PKNOX2: variants seen among roughly 807,000 people sequenced by gnomAD.
PKNOX2 encodes homeobox protein PKNOX2.
A neutral mutation model predicts 53.1 loss-of-function variants in PKNOX2; 14 were observed. The ratio of observed to expected loss-of-function variants is 0.26; its 90% CI spans 0.17 to 0.41. The LOEUF is 0.41. Among genes scored for constraint, PKNOX2 ranks in the 10% least tolerant of loss-of-function variants. The pLI is 1.00. For missense variants in PKNOX2, 496 were observed against 602.8 expected (o/e 0.82, Z 1.85); for synonymous variants, 257 against 242.8 (o/e 1.06, Z -0.54).
chr11:125,251,584 G>A (rs1381299453), intron 2 of PKNOX2, among the ~76,000 whole-genome samples: 3 of 122,824 alleles, frequency 2.4e-5, no homozygotes, highest in South Asian at 5.1e-4. Context: ...CTTTATTGAT[G>A]AGACTCTGTT....
intron 10 of PKNOX2, among the ~76,000 whole-genome samples, chr11:125,421,790 G>A (rs1009957711): frequency 1.2e-4 from 19 of 152,338 alleles, no homozygotes; most frequent in African/African-American, 4.6e-4. Flanking sequence ...GCTTACGCCC[G>A]GAGACCAGCC....
At chr11:125,290,335 T>G (rs953615251) in intron 2 of PKNOX2, among the ~76,000 whole-genome samples, 3 of 152,208 alleles carry the variant, frequency 2.0e-5, no homozygotes, top group Non-Finnish European at 4.4e-5. Flanking sequence ...TGTGTGCTTT[T>G]GGGGAAATGG....
At chr11:125,186,059 T>A (rs1270022200) in intron 1 of PKNOX2, among the ~76,000 whole-genome samples, 2 of 152,070 alleles carry the variant, frequency 1.3e-5, no homozygotes, top group Non-Finnish European at 2.9e-5. Flanking sequence ...GTTTTTTTTT[T>A]AATTGTAGCC....
intron 2 of PKNOX2, among the ~76,000 whole-genome samples, chr11:125,313,630 T>C (rs948337649): frequency 2.0e-5 from 3 of 152,210 alleles, no homozygotes; most frequent in Non-Finnish European, 4.4e-5. Flanking sequence ...AACCCTGGCT[T>C]GAGTCCTGTC....
At chr11:125,383,932 CAAAAAACAA>C (rs938585849) in intron 5 of PKNOX2, among the ~76,000 whole-genome samples, 8 of 151,416 alleles carry the variant, frequency 5.3e-5, no homozygotes, top group African/African-American at 1.9e-4. Context: ...GGGACTACAT[CAAAAAACAA>C]AAAAAACAAA....
At position 125,268,637 on chromosome 11, in the gene PKNOX2, A is replaced by G. The variant is rs550262229; in HGVS notation, c.-130+33522A>G. Among the ~76,000 whole-genome samples the G allele has an allele frequency of 4.6e-5, 7 of 152,240 alleles. No individual in the cohort carries two copies. The East Asian group carries it at 1.4e-3, about 29-fold the overall frequency. ...TCAGTGATATTATTGAAAGCATATA[A>G]AGCTGGTCTGGTTGGCCTTAGAATA... On this transcript the variant is annotated intron_variant, in intron 2 of 12. Coordinates refer to ENST00000298282, the MANE Select transcript of PKNOX2 (RefSeq NM_001382323.2).
At chr11:125,206,498 A>C (rs532822352) in intron 1 of PKNOX2, among the ~76,000 whole-genome samples, 2 of 152,200 alleles carry the variant, frequency 1.3e-5, no homozygotes, top group African/African-American at 4.8e-5. Context: ...CAGGTCACAG[A>C]CAGCCTCAAA....
intron 2 of PKNOX2, among the ~76,000 whole-genome samples, chr11:125,265,374 T>C (rs1945244879): frequency 6.6e-6 from 1 of 152,046 alleles, no homozygotes. Flanking sequence ...GCAAGCTGAT[T>C]TCCGATTCAA....
At chr11:125,298,132 G>A (rs1947782682) in intron 2 of PKNOX2, among the ~76,000 whole-genome samples, 1 of 152,222 alleles carries the variant, frequency 6.6e-6, no homozygotes, top group South Asian at 2.1e-4. Flanking sequence ...GAATAAGCTG[G>A]AGTGAGAGCT....
intron 5 of PKNOX2, among the ~76,000 whole-genome samples, chr11:125,383,546 G>GGCAGAGGTT (rs1002833520): frequency 6.6e-6 from 1 of 151,998 alleles, no homozygotes; most frequent in African/African-American, 2.4e-5. Context: ...GAACCCTGGA[G>GGCAGAGGTT]GCAGAGGTTG....
chr11:125,354,848 G>T (rs1490506638), intron 4 of PKNOX2, among the ~76,000 whole-genome samples: 1 of 151,932 alleles, frequency 6.6e-6, no homozygotes, highest in African/African-American at 2.4e-5. Flanking sequence ...CAAGTGATAC[G>T]ATGGCTAAGC....
chr11:125,310,739 A>G (rs1346225375), intron 2 of PKNOX2, among the ~76,000 whole-genome samples: 3 of 152,040 alleles, frequency 2.0e-5, no homozygotes, highest in Non-Finnish European at 2.9e-5. Flanking sequence ...ATAATTTGCC[A>G]TTGTCCACAG....
At chr11:125,430,594 T>A (rs1395116552) in intron 12 of PKNOX2, among the ~76,000 whole-genome samples, 14 of 152,292 alleles carry the variant, frequency 9.2e-5, no homozygotes, top group African/African-American at 3.4e-4. Context: ...GCACAATGAA[T>A]AATTCAATGA....
chr11:125,181,974 G>T (rs1232156081), intron 1 of PKNOX2, among the ~76,000 whole-genome samples: 1 of 152,208 alleles, frequency 6.6e-6, no homozygotes, highest in Admixed American at 6.5e-5. Flanking sequence ...GCTTAGAGCT[G>T]GGACACAGAG....
chr11:125,191,556 G>A (rs186594497), intron 1 of PKNOX2, among the ~76,000 whole-genome samples: 1 of 152,352 alleles, frequency 6.6e-6, no homozygotes, highest in East Asian at 1.9e-4. Flanking sequence ...TTTGGGGATT[G>A]AGCAGTAGAC....
At chr11:125,355,281 A>G (rs28406045) in intron 4 of PKNOX2, among the ~76,000 whole-genome samples, 5 of 113,820 alleles carry the variant, frequency 4.4e-5, no homozygotes, top group East Asian at 8.1e-4. Flanking sequence ...AAAAAAGAAA[A>G]AAAAAAAAAA....
At chr11:125,374,637 A>G (rs1171887358) in intron 5 of PKNOX2, among the ~76,000 whole-genome samples, 3 of 152,244 alleles carry the variant, frequency 2.0e-5, no homozygotes, top group East Asian at 1.9e-4. Flanking sequence ...AGGTGTGCTC[A>G]GGAGTGGTTG....
chr11:125,298,877 T>C (rs1035125848), intron 2 of PKNOX2, among the ~76,000 whole-genome samples: 1 of 152,222 alleles, frequency 6.6e-6, no homozygotes, highest in Non-Finnish European at 1.5e-5. Flanking sequence ...TTGGTTATCA[T>C]GTCAGGAGGC....
At chr11:125,221,994 A>G (rs927554870) in intron 1 of PKNOX2, among the ~76,000 whole-genome samples, 1 of 152,192 alleles carries the variant, frequency 6.6e-6, no homozygotes, top group East Asian at 1.9e-4. Context: ...TTTTGGGGTG[A>G]TTGGCGGTGC....
Sources: gnomAD v4.1 joint callset for allele counts (sites outside exome capture counted in the v4.1 genomes callset) on GRCh38, gnomAD v4.1.1 for gene constraint, MANE v1.5 for transcripts, NCBI Gene and HGNC (gene_info 2026-07-23, HGNC 2026-07-21) for gene names.